The following GRIK1 variants were observed in gnomAD, a reference collection of about 807,000 sequenced individuals.
GRIK1 encodes glutamate receptor ionotropic, kainate 1.
Under a neutral mutation model 105.7 loss-of-function variants are expected in GRIK1, and 69 were observed. That is an observed-to-expected ratio of 0.65 (90% CI 0.54 to 0.80). The LOEUF is 0.80. GRIK1 is among the 30% of genes least tolerant of loss of function. GRIK1 has a pLI of 0.00. For missense variants in GRIK1, 1,109 were observed against 1,167.3 expected, an observed-to-expected ratio of 0.95 and a Z score of 0.73; for synonymous variants, 438 against 431.3, an observed-to-expected ratio of 1.02 and a Z score of -0.19.
chr21:29,638,626 G>A (rs1170190003), intron 7 of GRIK1, among the ~76,000 whole-genome samples: 1 of 152,162 alleles, frequency 6.6e-6, no homozygotes, highest in Non-Finnish European at 1.5e-5. Flanking sequence ...AAATATTTAT[G>A]CATGAGAAAA....
At chr21:29,549,466 G>A (rs1034223296) in intron 16 of GRIK1, among the ~76,000 whole-genome samples, 3 of 152,154 alleles carry the variant, frequency 2.0e-5, no homozygotes, top group African/African-American at 7.2e-5. Context: ...CTACGTTCAA[G>A]CTAATTTTTA....
intron 4 of GRIK1, among the ~76,000 whole-genome samples, chr21:29,664,212 T>C (rs2063018800): frequency 6.6e-6 from 1 of 152,148 alleles, no homozygotes. Flanking sequence ...CTTGGTATGT[T>C]AGGCTGAGAG....
chr21:29,606,392 T>G (rs2061616964), intron 7 of GRIK1, among the ~76,000 whole-genome samples: 1 of 152,150 alleles, frequency 6.6e-6, no homozygotes, highest in Admixed American at 6.6e-5. Flanking sequence ...AGCTAGGTGT[T>G]AAGCCCCACA....
At position 29,796,779 on chromosome 21, in the gene GRIK1, T is replaced by C. The variant is rs2066570383; in HGVS notation, c.119-102716A>G. Among the ~76,000 whole-genome samples the C allele has an allele frequency of 3.3e-5, 5 of 152,040 alleles. No homozygotes were observed. In the South Asian group the frequency reaches 1.0e-3, roughly 32 times the overall value. On this transcript the variant is annotated intron_variant, in intron 1 of 17. Transcript: ENST00000327783. ...GCCTGGCCAACATGGTGAAACCCCATCTCTACTAAAAATACAAAAACTAGT... is the reference window on the plus strand; with the variant it reads ...GCCTGGCCAACATGGTGAAACCCCACCTCTACTAAAAATACAAAAACTAGT...
chr21:29,630,421 T>A (rs370053441), intron 7 of GRIK1: 1 of 441,626 alleles, frequency 2.3e-6, no homozygotes, highest in Non-Finnish European at 4.6e-6. Context: ...CTGTAATCAA[T>A]TGACTTTGAC....
intron 4 of GRIK1, among the ~76,000 whole-genome samples, chr21:29,658,481 C>G (rs1244256320): frequency 6.6e-6 from 1 of 152,162 alleles, no homozygotes; most frequent in Non-Finnish European, 1.5e-5. Flanking sequence ...CACGCTGGTT[C>G]AAACTCCTGA....
At chr21:29,705,455 A>G (rs532925950) in intron 1 of GRIK1, among the ~76,000 whole-genome samples, 4 of 152,344 alleles carry the variant, frequency 2.6e-5, no homozygotes, top group Admixed American at 6.5e-5. Context: ...TGATGATAGG[A>G]CAGTTTTCCT....
chr21:29,590,423 C>T (rs1435586301), intron 10 of GRIK1, among the ~76,000 whole-genome samples: 6 of 152,206 alleles, frequency 3.9e-5, no homozygotes, highest in Non-Finnish European at 8.8e-5. Flanking sequence ...GGTAGCTGTA[C>T]AGTGGCTGGA....
intron 1 of GRIK1, among the ~76,000 whole-genome samples, chr21:29,751,540 G>T (rs912891886): frequency 3.9e-5 from 6 of 152,168 alleles, no homozygotes; most frequent in Admixed American, 3.3e-4. Flanking sequence ...GGGAGTGAGC[G>T]TGTGTTATTA....
intron 3 of GRIK1, among the ~76,000 whole-genome samples, chr21:29,676,594 C>T (rs1193072107): frequency 1.3e-5 from 2 of 152,094 alleles, no homozygotes; most frequent in Non-Finnish European, 2.9e-5. Context: ...TGGATGCCAG[C>T]CCTGATGGAG....
intron 1 of GRIK1, among the ~76,000 whole-genome samples, chr21:29,867,879 A>G (rs1428301792): frequency 6.2e-5 from 1 of 16,022 alleles, no homozygotes; most frequent in East Asian, 1.7e-3. Flanking sequence ...AGAGAGAAAG[A>G]GAGAGAAAGA....
At chr21:29,620,808 T>TAGATAG (rs56341617) in intron 7 of GRIK1, among the ~76,000 whole-genome samples, 6,741 of 122,360 alleles carry the variant, frequency 0.055, 206 homozygotes, top group Non-Finnish European at 0.069. Context: ...TATATATAGA[T>TAGATAG]ATATATATAT....
intron 3 of GRIK1, among the ~76,000 whole-genome samples, chr21:29,676,891 C>T (rs2063278426): frequency 1.3e-5 from 2 of 152,226 alleles, no homozygotes; most frequent in Non-Finnish European, 1.5e-5. Flanking sequence ...GGACAACTAG[C>T]AAACATATAT....
chr21:29,711,646 T>C (rs1328124629), intron 1 of GRIK1, among the ~76,000 whole-genome samples: 1 of 152,152 alleles, frequency 6.6e-6, no homozygotes, highest in African/African-American at 2.4e-5. Context: ...AATGTACCAA[T>C]GTATTTACAC....
At chr21:29,726,483 C>T (rs147208435) in intron 1 of GRIK1, among the ~76,000 whole-genome samples, 76 of 152,252 alleles carry the variant, frequency 5.0e-4, no homozygotes, top group Middle Eastern at 3.4e-3. Context: ...TGAATAATAT[C>T]GTACACAAAG....
chr21:29,867,865 A>AAAGAAAGAAG lies in GRIK1; in HGVS notation c.118+71517_118+71518insCTTCTTTCTT, dbSNP rs1177853109. On this transcript the variant is annotated intron_variant, in intron 1 of 17. Transcript: ENST00000327783. ...GAAGGAAGGAAAGAGAGAAAGAGAGAGAAAGAGAGAAAGAGAGAGAAAGAG... is the reference window on the plus strand; with the variant it reads ...GAAGGAAGGAAAGAGAGAAAGAGAGAAAGAAAGAAGGAAAGAGAGAAAGAGAGAGAAAGAG... Among the ~76,000 whole-genome samples the AAAGAAAGAAG allele has an allele frequency of 7.2e-3, 504 of 70,084 alleles. 3 individuals are homozygous for AAAGAAAGAAG. Among genetic ancestry groups the AAAGAAAGAAG allele is most frequent in the African/African-American group, 0.027 (462 of 17,252 alleles). 46.0% of individuals were successfully genotyped at this position (70,084 alleles called of 152,430 possible). A position where few individuals can be genotyped will look rare whatever the true frequency, so the allele number is the denominator to read the frequency against.
At chr21:29,699,528 C>T (rs1454209932) in intron 1 of GRIK1, among the ~76,000 whole-genome samples, 1 of 152,164 alleles carries the variant, frequency 6.6e-6, no homozygotes, top group Non-Finnish European at 1.5e-5. Flanking sequence ...TTCCAGCCTC[C>T]AGAACTGAGA....
intron 1 of GRIK1, among the ~76,000 whole-genome samples, chr21:29,926,332 C>T (rs2071369791): frequency 6.6e-6 from 1 of 152,138 alleles, no homozygotes; most frequent in Non-Finnish European, 1.5e-5. Flanking sequence ...GTGATTAGTC[C>T]AGTGCTTTTT....
chr21:29,689,677 T>G (rs752715719), intron 3 of GRIK1, 51 bp downstream of exon 3: 1 of 1,562,532 alleles, frequency 6.4e-7, no homozygotes, highest in South Asian at 1.1e-5. Flanking sequence ...ACTTTCGTTC[T>G]GTTTGTTCAG....
Sources: gnomAD v4.1 joint callset for allele counts (sites outside exome capture counted in the v4.1 genomes callset) on GRCh38, gnomAD v4.1.1 for gene constraint, MANE v1.5 for transcripts, NCBI Gene and HGNC (gene_info 2026-07-23, HGNC 2026-07-21) for gene names.